LRP1B: variants seen among roughly 807,000 people sequenced by gnomAD.
LRP1B encodes low-density lipoprotein receptor-related protein 1B.
Under a neutral mutation model 556.6 loss-of-function variants are expected in LRP1B, and 217 were observed. The observed-to-expected ratio is 0.39, with a 90% confidence interval of 0.35 to 0.44. The LOEUF is 0.44. LRP1B is among the 20% of genes least tolerant of loss of function. LRP1B has a pLI of 1.00. For missense variants in LRP1B, 5,053 were observed against 5,620.8 expected, an observed-to-expected ratio of 0.90 and a Z score of 3.23; for synonymous variants, 2,047 against 1,865.8, an observed-to-expected ratio of 1.10 and a Z score of -2.50.
At position 141,351,635 on chromosome 2, in the gene LRP1B, C is replaced by A. The variant is rs564264707; in HGVS notation, c.344-96994G>T. On this transcript the variant is annotated intron_variant, in intron 3 of 90. Transcript: ENST00000389484. ...CTATGTATCACTATCAATACAACAA[C>A]CACTATCAATACAATTCAGACCCCT... Among the ~76,000 whole-genome samples, 8 of 152,072 alleles carry A rather than the reference C, an allele frequency of 5.3e-5. No homozygotes were observed. In the East Asian group the frequency reaches 7.7e-4, roughly 15 times the overall value.
In LRP1B at chr2:141,189,621, C is replaced by T. The variant is rs553816612; in HGVS notation, c.851-1038G>A. 2.2e-4 allele frequency among the ~76,000 whole-genome samples: 34 copies of T among 151,718 alleles called. No homozygotes were observed. In the South Asian group the frequency reaches 6.6e-3, roughly 30 times the overall value. On this transcript the variant is annotated intron_variant, in intron 6 of 90. Transcript: ENST00000389484. ...AAACTCTCTACTTAGATTAATTTGG[C>T]CTCAGCTTCTTCCTTTTAGGTCAAC... is the stretch of plus-strand genomic sequence containing the variant.
At chr2:142,021,712 A>T (rs1307595940) in intron 1 of LRP1B, among the ~76,000 whole-genome samples, 1 of 152,152 alleles carries the variant, frequency 6.6e-6, no homozygotes, top group African/African-American at 2.4e-5. Flanking sequence ...GAATGTTGCA[A>T]TGATATTAAA....
At chr2:140,796,199 A>G (rs1313360383) in intron 32 of LRP1B, among the ~76,000 whole-genome samples, 1 of 152,090 alleles carries the variant, frequency 6.6e-6, no homozygotes, top group Non-Finnish European at 1.5e-5. Context: ...AGCAGTTTAC[A>G]AAGAAGAAAC....
intron 3 of LRP1B, among the ~76,000 whole-genome samples, chr2:141,349,073 T>C (rs1688356804): frequency 6.6e-6 from 1 of 152,052 alleles, no homozygotes; most frequent in South Asian, 2.1e-4. Context: ...AGGTATGTCT[T>C]TATCAACAGT....
intron 20 of LRP1B, among the ~76,000 whole-genome samples, chr2:140,924,835 T>C (rs1374472835): frequency 2.6e-5 from 4 of 152,044 alleles, no homozygotes; most frequent in African/African-American, 9.7e-5. Flanking sequence ...TTAATAAAGA[T>C]GGTAAAGTCT....
chr2:141,443,737 G>A (rs1681074775), intron 3 of LRP1B, among the ~76,000 whole-genome samples: 1 of 152,158 alleles, frequency 6.6e-6, no homozygotes, highest in South Asian at 2.1e-4. Context: ...TCAGATGGTT[G>A]TAGATGTGTG....
At chr2:141,285,455 CTT>C (rs1170251213) in intron 3 of LRP1B, among the ~76,000 whole-genome samples, 140 of 110,596 alleles carry the variant, frequency 1.3e-3, no homozygotes, top group Admixed American at 0.01. Flanking sequence ...ATTTTTTTTT[CTT>C]TTTTTTTTTT....
At chr2:141,437,166 G>A (rs1218485529) in intron 3 of LRP1B, among the ~76,000 whole-genome samples, 1 of 152,074 alleles carries the variant, frequency 6.6e-6, no homozygotes, top group Non-Finnish European at 1.5e-5. Flanking sequence ...GCTCACTGAT[G>A]TATATATGAC....
At chr2:141,196,429 A>G (rs1558925861) in intron 6 of LRP1B, among the ~76,000 whole-genome samples, 1 of 152,210 alleles carries the variant, frequency 6.6e-6, no homozygotes, top group East Asian at 1.9e-4. Flanking sequence ...ATACACACAT[A>G]TATATTCACA....
intron 3 of LRP1B, among the ~76,000 whole-genome samples, chr2:141,404,072 G>A (rs1265025869): frequency 6.6e-6 from 1 of 152,134 alleles, no homozygotes; most frequent in African/African-American, 2.4e-5. Flanking sequence ...AAAGGTTCCA[G>A]ATGTGTCTAA....
At chr2:141,623,217 G>A (rs530989400) in intron 2 of LRP1B, among the ~76,000 whole-genome samples, 4 of 152,176 alleles carry the variant, frequency 2.6e-5, no homozygotes, top group Admixed American at 6.5e-5. Context: ...ATGTTAACTC[G>A]CATTGTCCAT....
At chr2:140,502,840 T>A in intron 54 of LRP1B, 123 bp downstream of exon 54, 1 of 940,462 alleles carries the variant, frequency 1.1e-6, no homozygotes, top group East Asian at 2.5e-5. Flanking sequence ...ATGGTGTCAC[T>A]AGAAACATCA....
At chr2:141,137,907 T>C (rs1701529434) in intron 7 of LRP1B, among the ~76,000 whole-genome samples, 1 of 151,644 alleles carries the variant, frequency 6.6e-6, no homozygotes. Flanking sequence ...TTGAAAGGTG[T>C]AGTACCAAGG....
chr2:140,860,191 T>C (rs568762505), intron 27 of LRP1B, among the ~76,000 whole-genome samples: 3 of 152,264 alleles, frequency 2.0e-5, no homozygotes, highest in Admixed American at 1.3e-4. Context: ...TTCATTCTGA[T>C]TTATTCACTC....
intron 2 of LRP1B, among the ~76,000 whole-genome samples, chr2:141,617,478 T>C (rs1291728598): frequency 5.9e-5 from 9 of 152,198 alleles, no homozygotes; most frequent in African/African-American, 2.4e-5. Flanking sequence ...TTTAAAGTAA[T>C]TTTCAGAGAT....
chr2:141,566,679 T>C (rs1352319442), intron 2 of LRP1B, among the ~76,000 whole-genome samples: 2 of 152,284 alleles, frequency 1.3e-5, no homozygotes, highest in Admixed American at 1.3e-4. Context: ...CCCTTTCTCA[T>C]TAAGTATTCT....
chr2:140,706,389 C>T (rs1429074187), intron 37 of LRP1B, among the ~76,000 whole-genome samples: 1 of 152,042 alleles, frequency 6.6e-6, no homozygotes, highest in African/African-American at 2.4e-5. Context: ...TTGTCCAAAT[C>T]AAATGCTATA....
At chr2:141,488,352 T>C (rs985785672) in intron 2 of LRP1B, among the ~76,000 whole-genome samples, 1 of 152,178 alleles carries the variant, frequency 6.6e-6, no homozygotes, top group African/African-American at 2.4e-5. Flanking sequence ...ATTAAAATTA[T>C]GCAGTTTTGC....
At chr2:141,705,420 C>T (rs553474785) in intron 2 of LRP1B, among the ~76,000 whole-genome samples, 24 of 152,032 alleles carry the variant, frequency 1.6e-4, no homozygotes, top group African/African-American at 5.5e-4. Flanking sequence ...AATAAATGTT[C>T]CATGTCCCAG....
Sources: gnomAD v4.1 joint callset for allele counts (sites outside exome capture counted in the v4.1 genomes callset) on GRCh38, gnomAD v4.1.1 for gene constraint, MANE v1.5 for transcripts, NCBI Gene and HGNC (gene_info 2026-07-23, HGNC 2026-07-21) for gene names.